Variants in HOOK3 observed in about 807,000 individuals in gnomAD.
HOOK3 encodes protein Hook homolog 3.
HOOK3 carries 24 observed loss-of-function variants against 116.3 expected under a neutral mutation model. That is an observed-to-expected ratio of 0.21 (90% CI 0.15 to 0.29). HOOK3 has a LOEUF of 0.29. HOOK3 is among the 10% of genes least tolerant of loss of function. HOOK3 has a pLI of 1.00. For missense variants in HOOK3, 632 were observed against 830.2 expected (o/e 0.76, Z 2.93); for synonymous variants, 275 against 283.0 (o/e 0.97, Z 0.28).
chr8:42,930,374 G>T (rs1807851082), intron 4 of HOOK3, among the ~76,000 whole-genome samples: 1 of 152,090 alleles, frequency 6.6e-6, no homozygotes, highest in Non-Finnish European at 1.5e-5. Context: ...CTGTATTATA[G>T]GTAGTTTGTA....
chr8:43,001,298 A>G (rs957454988), intron 16 of HOOK3, among the ~76,000 whole-genome samples: 3 of 152,262 alleles, frequency 2.0e-5, no homozygotes, highest in Admixed American at 6.5e-5. Flanking sequence ...ATTATTATCA[A>G]AAGAACTTAG....
chr8:42,995,775 G>A (rs1809252749), intron 15 of HOOK3, among the ~76,000 whole-genome samples: 1 of 151,942 alleles, frequency 6.6e-6, no homozygotes, highest in South Asian at 2.1e-4. Flanking sequence ...CCTTCTCAGC[G>A]AATACCAAAA....
chr8:42,897,108 C>T lies in HOOK3; in HGVS notation c.-24C>T. On this transcript the variant is annotated 5_prime_UTR_variant, in exon 1 of 22. Coordinates refer to ENST00000307602, the MANE Select transcript of HOOK3 (RefSeq NM_032410.4). Reference sequence around the variant, plus strand: ...CGGCGGTGTCTGGCCAGGCGGTAGGCGCTGCCTGGCCGCGGCGGGGAAGAT... The same window carrying T: ...CGGCGGTGTCTGGCCAGGCGGTAGGTGCTGCCTGGCCGCGGCGGGGAAGAT... The T allele has an allele frequency of 1.6e-6, 2 of 1,240,894 alleles. No homozygotes were observed. Among genetic ancestry groups the T allele is most frequent in the African/African-American group, 3.1e-5 (2 of 64,328 alleles). The allele number at this position is 1,240,894 out of a possible 1,614,324, so 76.9% of individuals were successfully genotyped here.
At chr8:42,973,028 G>A (rs1396764950) in intron 11 of HOOK3, among the ~76,000 whole-genome samples, 1 of 152,122 alleles carries the variant, frequency 6.6e-6, no homozygotes, top group African/African-American at 2.4e-5. Flanking sequence ...AGACTACCTG[G>A]TTATCTCTAT....
chr8:42,986,249 T>C (rs1809047213), intron 14 of HOOK3, among the ~76,000 whole-genome samples: 1 of 152,214 alleles, frequency 6.6e-6, no homozygotes, highest in African/African-American at 2.4e-5. Flanking sequence ...AGACTGAATG[T>C]CTTGAAGTGA....
Position 43,023,800 on chromosome 8 carries a change from G to A in HOOK3, c.*5302G>A, listed in dbSNP as rs547411662. ...GAAAGTAGCAGTTTGGTTTATTCTC[G>A]TTTGCTAAGTAATTGTTTGAAATAT... On this transcript the variant is annotated 3_prime_UTR_variant, in exon 22 of 22. Transcript: ENST00000307602. The A allele has an allele frequency of 4.5e-5, 9 of 201,678 alleles. No individual in the cohort carries two copies. The highest frequency in any genetic ancestry group is 3.8e-4 in the South Asian group (2 of 5,234). 12.5% of individuals were successfully genotyped at this position (201,678 alleles called of 1,614,324 possible).
At chr8:43,007,229 G>C (rs1274131897) in intron 17 of HOOK3, among the ~76,000 whole-genome samples, 1 of 151,966 alleles carries the variant, frequency 6.6e-6, no homozygotes, top group Non-Finnish European at 1.5e-5. Flanking sequence ...TGTTGGCCAG[G>C]CTGGCCTTGA....
intron 1 of HOOK3, among the ~76,000 whole-genome samples, chr8:42,898,832 C>A (rs1266086652): frequency 1.3e-5 from 2 of 152,196 alleles, no homozygotes; most frequent in Non-Finnish European, 2.9e-5. Context: ...TACGCCTAAC[C>A]GTCCAAACGG....
Position 43,010,411 on chromosome 8 carries a change from T to C in HOOK3, c.1839+6T>C. On this transcript the variant is annotated splice_donor_region_variant and intron_variant, in intron 19 of 21. Transcript: ENST00000307602. ...ACTTAGAGAAAGCCAAAAGTGTAAGTATGAATTTTGTAGGCATCTCACTCT... is the reference window on the plus strand; with the variant it reads ...ACTTAGAGAAAGCCAAAAGTGTAAGCATGAATTTTGTAGGCATCTCACTCT... 7.8e-7 allele frequency: 1 copy of C among 1,284,470 alleles called. No homozygotes were observed. The highest frequency in any genetic ancestry group is 1.5e-5 in the South Asian group (1 of 65,318). 79.6% of individuals were successfully genotyped at this position (1,284,470 alleles called of 1,614,324 possible).
In HOOK3 at chr8:42,951,741, G is replaced by C. The variant is rs948278912; in HGVS notation, c.468+1286G>C. Among the ~76,000 whole-genome samples, 4 of 152,190 alleles carry C rather than the reference G, an allele frequency of 2.6e-5. 1 individual carries two copies. The South Asian group carries it at 8.3e-4, about 32-fold the overall frequency. ...GCGGATCACGAGGTCAAGAGATTGA[G>C]ACCATCCTGGCCAACATGGTGAAAC... On this transcript the variant is annotated intron_variant, in intron 6 of 21. Coordinates refer to ENST00000307602, the MANE Select transcript of HOOK3 (RefSeq NM_032410.4).
intron 14 of HOOK3, among the ~76,000 whole-genome samples, chr8:42,984,722 C>T (rs1342228445): frequency 6.6e-6 from 1 of 152,026 alleles, no homozygotes; most frequent in African/African-American, 2.4e-5. Context: ...GCCAACATGG[C>T]AAAACCCTGT....
At chr8:42,913,199 C>T (rs1218741784) in intron 2 of HOOK3, among the ~76,000 whole-genome samples, 1 of 151,958 alleles carries the variant, frequency 6.6e-6, no homozygotes, top group Non-Finnish European at 1.5e-5. Flanking sequence ...TATGTATATG[C>T]CTGTGAAGCT....
intron 17 of HOOK3, among the ~76,000 whole-genome samples, chr8:43,006,968 C>A (rs774135954): frequency 6.7e-6 from 1 of 148,976 alleles, no homozygotes; most frequent in Non-Finnish European, 1.5e-5. Flanking sequence ...TATTTAAATA[C>A]CTTTATATTG....
chr8:42,989,557 G>C (rs1404458588), intron 15 of HOOK3, among the ~76,000 whole-genome samples: 8 of 152,098 alleles, frequency 5.3e-5, no homozygotes, highest in African/African-American at 1.9e-4. Context: ...TCATATTGGG[G>C]TAAATGGGTT....
At chr8:42,978,018 C>T (rs11992397) in intron 13 of HOOK3, among the ~76,000 whole-genome samples, 7,223 of 152,158 alleles carry the variant, frequency 0.047, 345 homozygotes, top group African/African-American at 0.12. Context: ...CTGTGCAGCT[C>T]GAGCTAGTAA....
chr8:42,923,895 AATC>A (rs1397013237), intron 2 of HOOK3, among the ~76,000 whole-genome samples: 1 of 152,254 alleles, frequency 6.6e-6, no homozygotes, highest in Non-Finnish European at 1.5e-5. Context: ...CTTCAAAAAT[AATC>A]ATAACAGATT....
At chr8:42,908,058 A>G (rs1212824605) in intron 2 of HOOK3, among the ~76,000 whole-genome samples, 1 of 152,178 alleles carries the variant, frequency 6.6e-6, no homozygotes, top group Non-Finnish European at 1.5e-5. Flanking sequence ...TCAAGAAAAC[A>G]ATACCATTTA....
chr8:42,936,711 G>C (rs1224930653), intron 4 of HOOK3, among the ~76,000 whole-genome samples: 2 of 152,194 alleles, frequency 1.3e-5, no homozygotes, highest in Non-Finnish European at 2.9e-5. Context: ...TGAGTATGTT[G>C]AACCAGCCTT....
At chr8:42,993,916 T>A (rs1809216047) in intron 15 of HOOK3, among the ~76,000 whole-genome samples, 2 of 152,154 alleles carry the variant, frequency 1.3e-5, no homozygotes, top group African/African-American at 4.8e-5. Flanking sequence ...GCTAAAGGTT[T>A]GTCAATTTAT....
Sources: gnomAD v4.1 joint callset for allele counts (sites outside exome capture counted in the v4.1 genomes callset) on GRCh38, gnomAD v4.1.1 for gene constraint, MANE v1.5 for transcripts, NCBI Gene and HGNC (gene_info 2026-07-23, HGNC 2026-07-21) for gene names.